The following SMAD6 variants were observed in gnomAD, a reference collection of about 807,000 sequenced individuals.
The protein encoded by SMAD6 is SMAD family member 6.
SMAD6 carries 103 observed loss-of-function variants against 39.4 expected under a neutral mutation model. That is an observed-to-expected ratio of 2.62 (90% CI 2.23 to 3.08). SMAD6 has a LOEUF of 3.08. Ranked by LOEUF, SMAD6 falls within the 30% of genes most tolerant of loss-of-function variation. The pLI, the probability that SMAD6 is intolerant of heterozygous loss-of-function variation, is 0.00. For missense variants in SMAD6, 1,104 were observed against 742.9 expected, an observed-to-expected ratio of 1.49 and a Z score of -5.65; for synonymous variants, 445 against 353.3, an observed-to-expected ratio of 1.26 and a Z score of -2.91.
intron 3 of SMAD6, among the ~76,000 whole-genome samples, chr15:66,730,159 G>A (rs919083641): frequency 6.6e-6 from 1 of 152,204 alleles, no homozygotes; most frequent in Admixed American, 6.5e-5. Context: ...GTGCAGGGCT[G>A]TTCCTTGGAA....
chr15:66,780,573 TGAA>T (rs1894540272), intron 3 of SMAD6, among the ~76,000 whole-genome samples: 1 of 152,162 alleles, frequency 6.6e-6, no homozygotes, highest in South Asian at 2.1e-4. Flanking sequence ...CTGTGTGCTG[TGAA>T]GAGTAAGAAG....
chr15:66,749,972 G>A (rs1893973031), intron 3 of SMAD6, among the ~76,000 whole-genome samples: 1 of 152,176 alleles, frequency 6.6e-6, no homozygotes, highest in African/African-American at 2.4e-5. Context: ...TTCCAGCCCT[G>A]GCGAGGTTTT....
intron 3 of SMAD6, among the ~76,000 whole-genome samples, chr15:66,757,382 A>G (rs1394326255): frequency 6.6e-6 from 1 of 152,060 alleles, no homozygotes; most frequent in Non-Finnish European, 1.5e-5. Flanking sequence ...CCCTTTCCTT[A>G]AGGAGGAGTC....
chr15:66,736,618 C>CCAGTTA (rs1053956104), intron 3 of SMAD6, among the ~76,000 whole-genome samples: 59 of 152,142 alleles, frequency 3.9e-4, no homozygotes, highest in African/African-American at 1.3e-3. Flanking sequence ...CCACCCCAGA[C>CCAGTTA]CAGTTACATC....
intron 3 of SMAD6, among the ~76,000 whole-genome samples, chr15:66,730,732 C>T (rs1893612456): frequency 6.6e-6 from 1 of 152,202 alleles, no homozygotes; most frequent in Non-Finnish European, 1.5e-5. Flanking sequence ...GTTCCTTAAG[C>T]TTATTTAGTC....
chr15:66,773,918 C>T (rs1894421501), intron 3 of SMAD6, among the ~76,000 whole-genome samples: 3 of 152,098 alleles, frequency 2.0e-5, no homozygotes, highest in Admixed American at 2.0e-4. Flanking sequence ...GCTGAGCAGG[C>T]CCTTTTGGTC....
chr15:66,733,415 T>C (rs944149603), intron 3 of SMAD6, among the ~76,000 whole-genome samples: 4 of 152,258 alleles, frequency 2.6e-5, no homozygotes, highest in African/African-American at 9.6e-5. Context: ...TTGGTTCTTA[T>C]AGTCAATGAA....
At chr15:66,722,441 T>G (rs954928852) in intron 3 of SMAD6, among the ~76,000 whole-genome samples, 1 of 152,240 alleles carries the variant, frequency 6.6e-6, no homozygotes, top group African/African-American at 2.4e-5. Context: ...CCGGTCCCTT[T>G]GGGTTTAAGA....
intron 3 of SMAD6, among the ~76,000 whole-genome samples, chr15:66,722,212 G>A (rs1030416302): frequency 6.6e-6 from 1 of 152,240 alleles, no homozygotes; most frequent in Admixed American, 6.5e-5. Flanking sequence ...AGCAGGGCCT[G>A]CGGAAAGTTG....
chr15:66,743,150 G>C (rs1409743710), intron 3 of SMAD6, among the ~76,000 whole-genome samples: 1 of 152,270 alleles, frequency 6.6e-6, no homozygotes, highest in Non-Finnish European at 1.5e-5. Context: ...ACCAGCCAGA[G>C]ACCCCTCCGG....
At chr15:66,758,899 A>C (rs894640770) in intron 3 of SMAD6, among the ~76,000 whole-genome samples, 1 of 152,222 alleles carries the variant, frequency 6.6e-6, no homozygotes, top group Non-Finnish European at 1.5e-5. Flanking sequence ...AAGAGGAGCA[A>C]TATTAATATG....
intron 2 of SMAD6, among the ~76,000 whole-genome samples, chr15:66,714,086 A>G (rs776773033): frequency 5.9e-5 from 9 of 152,188 alleles, no homozygotes; most frequent in Non-Finnish European, 8.8e-5. Context: ...CCCTAGTTCC[A>G]TTAGAGAAAA....
At chr15:66,740,859 T>G (rs1307176698) in intron 3 of SMAD6, 1 of 152,244 alleles carries the variant, frequency 6.6e-6, no homozygotes, top group East Asian at 1.9e-4. Flanking sequence ...GAGGCCACCC[T>G]GAAGTTCCCA....
At chr15:66,780,015 C>T (rs1055734096) in intron 3 of SMAD6, among the ~76,000 whole-genome samples, 6 of 152,206 alleles carry the variant, frequency 3.9e-5, no homozygotes, top group Admixed American at 2.0e-4. Context: ...GACACACAGA[C>T]GGCCCGAGTC....
intron 3 of SMAD6, among the ~76,000 whole-genome samples, chr15:66,719,915 G>C (rs571789529): frequency 1.3e-4 from 20 of 152,204 alleles, no homozygotes; most frequent in African/African-American, 2.4e-5. Context: ...ACTGGGGAGG[G>C]GGGTGGTGGA....
Position 66,703,351 on chromosome 15 carries a change from T to TGGC in SMAD6, c.98_100dup (p.Gly33dup). On this transcript the variant is annotated inframe_insertion, in exon 1 of 4. Transcript: ENST00000288840. The stretch of plus-strand genomic sequence containing the variant: ...AGGAAGGCGGCAGCGGCGGCGGCGG[T>TGGC]GGCGGCGACGAGGATGGGAGCTTGG... 6.8e-7 allele frequency: 1 copy of TGGC among 1,479,508 alleles called. No homozygotes were observed. Among genetic ancestry groups the TGGC allele is most frequent in the Non-Finnish European group, 9.0e-7 (1 of 1,115,160 alleles). The allele number at this position is 1,479,508 out of a possible 1,614,324, so 91.6% of individuals were successfully genotyped here.
At chr15:66,770,990 G>A (rs898480291) in intron 3 of SMAD6, among the ~76,000 whole-genome samples, 6 of 152,230 alleles carry the variant, frequency 3.9e-5, no homozygotes, top group East Asian at 1.9e-4. Context: ...AGCTGCCTGC[G>A]GAGAGTGTAG....
intron 3 of SMAD6, among the ~76,000 whole-genome samples, chr15:66,772,782 A>T (rs1047824786): frequency 1.3e-5 from 2 of 152,350 alleles, no homozygotes; most frequent in African/African-American, 4.8e-5. Flanking sequence ...TGGGATTCAC[A>T]TGCAGGCACC....
chr15:66,743,761 G>A (rs1893857146), intron 3 of SMAD6, among the ~76,000 whole-genome samples: 1 of 152,144 alleles, frequency 6.6e-6, no homozygotes, highest in Non-Finnish European at 1.5e-5. Flanking sequence ...ATGGGAAGTA[G>A]AAATGGTCTC....
Sources: gnomAD v4.1 joint callset for allele counts (sites outside exome capture counted in the v4.1 genomes callset) on GRCh38, gnomAD v4.1.1 for gene constraint, MANE v1.5 for transcripts, NCBI Gene and HGNC (gene_info 2026-07-23, HGNC 2026-07-21) for gene names.